Variants in NRG3 observed in about 807,000 individuals in gnomAD.
The protein encoded by NRG3 is pro-neuregulin-3, membrane-bound isoform.
In NRG3, 31 loss-of-function variants were observed where a neutral mutation model predicts 66.9. The observed-to-expected ratio is 0.46, with a 90% CI of 0.35 to 0.63. The LOEUF (loss-of-function observed/expected upper bound fraction) is 0.63, where lower values mean the gene tolerates loss of function less well. Among genes scored for constraint, NRG3 ranks in the 20% least tolerant of loss-of-function variants. NRG3 has a pLI of 0.00. For missense variants in NRG3, 910 were observed against 878.9 expected (o/e 1.04, Z -0.45); for synonymous variants, 393 against 359.4 (o/e 1.09, Z -1.06).
At chr10:82,002,222 A>G (rs924174505) in intron 1 of NRG3, among the ~76,000 whole-genome samples, 1 of 152,124 alleles carries the variant, frequency 6.6e-6, no homozygotes, top group African/African-American at 2.4e-5. Context: ...GTCTGTAGCA[A>G]ATCTCTTACT....
chr10:82,935,753 A>G (rs1407820454), intron 4 of NRG3, among the ~76,000 whole-genome samples: 1 of 152,024 alleles, frequency 6.6e-6, no homozygotes. Flanking sequence ...CCTCCCATGT[A>G]GCTGGGACTA....
intron 2 of NRG3, among the ~76,000 whole-genome samples, chr10:82,689,317 C>G (rs945716583): frequency 2.6e-5 from 4 of 152,126 alleles, no homozygotes; most frequent in African/African-American, 9.7e-5. Context: ...ATAAAAATGA[C>G]TGTAACCTGG....
At chr10:82,377,588 G>T (rs1013782380) in intron 2 of NRG3, among the ~76,000 whole-genome samples, 2 of 152,190 alleles carry the variant, frequency 1.3e-5, no homozygotes, top group Non-Finnish European at 2.9e-5. Flanking sequence ...AACAGGACTT[G>T]TTTGAGAAGA....
chr10:82,771,990 A>G lies in NRG3; in HGVS notation c.1027+33340A>G, dbSNP rs576730890. On this transcript the variant is annotated intron_variant, in intron 3 of 8. Transcript: ENST00000372141. ...TACTTCAAAATCTATTTCCTTCTTC[A>G]TTGTCATCTCAGTTTAAACTCTACC... 8.5e-5 allele frequency among the ~76,000 whole-genome samples: 13 copies of G among 152,180 alleles called. 1 individual carries two copies. In the East Asian group the frequency reaches 2.3e-3, roughly 27 times the overall value.
chr10:82,850,899 G>C (rs1043907773), intron 3 of NRG3, among the ~76,000 whole-genome samples: 23 of 152,108 alleles, frequency 1.5e-4, no homozygotes, highest in Non-Finnish European at 1.9e-4. Flanking sequence ...TGTGATAACT[G>C]GCCATAGACA....
intron 3 of NRG3, among the ~76,000 whole-genome samples, chr10:82,810,411 C>T (rs1240323548): frequency 1.3e-5 from 2 of 152,082 alleles, no homozygotes; most frequent in Non-Finnish European, 2.9e-5. Flanking sequence ...GCACTAGGTT[C>T]ATTTTTGCTT....
At chr10:82,786,005 C>G (rs930280674) in intron 3 of NRG3, among the ~76,000 whole-genome samples, 3 of 152,080 alleles carry the variant, frequency 2.0e-5, no homozygotes, top group Non-Finnish European at 2.9e-5. Context: ...ATGGATGTTG[C>G]GAAGAACCTG....
chr10:82,463,798 T>C (rs1037851820), intron 2 of NRG3, among the ~76,000 whole-genome samples: 1 of 152,182 alleles, frequency 6.6e-6, no homozygotes. Flanking sequence ...TTGTAGTGTA[T>C]TTACTTAACA....
chr10:82,754,974 G>C (rs1239946708), intron 3 of NRG3, among the ~76,000 whole-genome samples: 1 of 152,130 alleles, frequency 6.6e-6, no homozygotes, highest in Non-Finnish European at 1.5e-5. Flanking sequence ...AAATCAGCAA[G>C]ATGAAAGATG....
intron 4 of NRG3, among the ~76,000 whole-genome samples, chr10:82,868,867 A>G (rs1255501236): frequency 1.3e-5 from 2 of 151,884 alleles, no homozygotes; most frequent in Non-Finnish European, 2.9e-5. Context: ...TAATTTTTGT[A>G]TTTTTAGTAG....
At chr10:82,587,850 G>A (rs1446680102) in intron 2 of NRG3, among the ~76,000 whole-genome samples, 5 of 152,188 alleles carry the variant, frequency 3.3e-5, no homozygotes, top group African/African-American at 1.2e-4. Context: ...AGAAAGTAAT[G>A]TGAAAGTGTA....
At chr10:82,815,947 G>A (rs2061687256) in intron 3 of NRG3, among the ~76,000 whole-genome samples, 1 of 152,204 alleles carries the variant, frequency 6.6e-6, no homozygotes, top group Admixed American at 6.5e-5. Context: ...TTTTGGCTCT[G>A]TGTGAAGCTG....
intron 2 of NRG3, among the ~76,000 whole-genome samples, chr10:82,366,450 T>A (rs1283132212): frequency 6.6e-6 from 1 of 152,206 alleles, no homozygotes; most frequent in Non-Finnish European, 1.5e-5. Flanking sequence ...ATCGCTAATT[T>A]TAATACTTTG....
chr10:81,919,820 C>A (rs1389678566), intron 1 of NRG3, among the ~76,000 whole-genome samples: 2 of 152,024 alleles, frequency 1.3e-5, no homozygotes, highest in Non-Finnish European at 2.9e-5. Context: ...GGCAATTACA[C>A]AAGCAGAGCT....
At chr10:82,868,457 G>T (rs570912783) in intron 4 of NRG3, among the ~76,000 whole-genome samples, 2 of 152,144 alleles carry the variant, frequency 1.3e-5, no homozygotes, top group Non-Finnish European at 2.9e-5. Flanking sequence ...TGACTCCAAC[G>T]GTAGAAATTT....
chr10:82,785,261 G>A (rs1163163948), intron 3 of NRG3, among the ~76,000 whole-genome samples: 6 of 151,650 alleles, frequency 4.0e-5, no homozygotes, highest in African/African-American at 7.3e-5. Flanking sequence ...GCTAAATGAC[G>A]AGTTAATGGG....
chr10:81,892,810 A>T (rs1843156682), intron 1 of NRG3, among the ~76,000 whole-genome samples: 1 of 152,226 alleles, frequency 6.6e-6, no homozygotes, highest in Admixed American at 6.5e-5. Flanking sequence ...AAAAATAACT[A>T]AAAGAATATA....
At chr10:82,335,386 G>A (rs570421997) in intron 1 of NRG3, among the ~76,000 whole-genome samples, 18 of 152,156 alleles carry the variant, frequency 1.2e-4, no homozygotes, top group Admixed American at 7.8e-4. Context: ...CCTACTAAAC[G>A]AGGTAATGTT....
At chr10:82,615,289 AG>A (rs1482520147) in intron 2 of NRG3, among the ~76,000 whole-genome samples, 4 of 152,148 alleles carry the variant, frequency 2.6e-5, no homozygotes, top group Non-Finnish European at 4.4e-5. Flanking sequence ...TAGAAATAAA[AG>A]AAGAGGTCTG....
Sources: gnomAD v4.1 joint callset for allele counts (sites outside exome capture counted in the v4.1 genomes callset) on GRCh38, gnomAD v4.1.1 for gene constraint, MANE v1.5 for transcripts, NCBI Gene and HGNC (gene_info 2026-07-23, HGNC 2026-07-21) for gene names.